ERGIC1: variants seen among roughly 807,000 people sequenced by gnomAD.
The protein encoded by ERGIC1 is endoplasmic reticulum-Golgi intermediate compartment protein 1.
A neutral mutation model predicts 38.3 loss-of-function variants in ERGIC1; 19 were observed. That is an observed-to-expected ratio of 0.50 (90% CI 0.35 to 0.73). The LOEUF is 0.73. Ranked by LOEUF, ERGIC1 falls within the 30% of genes least tolerant of loss-of-function variation. ERGIC1 has a pLI of 0.01. For synonymous variants in ERGIC1, 124 were observed against 157.6 expected, an observed-to-expected ratio of 0.79 and a Z score of 1.60; for missense variants, 294 against 389.2, an observed-to-expected ratio of 0.76 and a Z score of 2.06.
rs576821117 is a variant in ERGIC1, at chr5:172,920,355, G to A, written c.376-3650G>A. ...GACTTGTCCCATGGCCTCCTTATCC[G>A]ACCCCCAGGAAGTTGACCAGCAGCC... is the stretch of plus-strand genomic sequence containing the variant. On this transcript the variant is annotated intron_variant, in intron 5 of 9. Coordinates refer to ENST00000393784, the MANE Select transcript of ERGIC1 (RefSeq NM_001031711.3). 2.1e-4 allele frequency: 150 copies of A among 717,786 alleles called. 2 individuals carry two copies. The highest frequency in any genetic ancestry group is 1.4e-3 in the South Asian group (93 of 67,580). The allele number at this position is 717,786 out of a possible 1,614,324, so 44.5% of individuals were successfully genotyped here.
chr5:172,874,551 T>C (rs988312067), intron 1 of ERGIC1, among the ~76,000 whole-genome samples: 18 of 152,200 alleles, frequency 1.2e-4, no homozygotes, highest in African/African-American at 4.1e-4. Context: ...TCCAGCTCTC[T>C]GGTGACATAT....
chr5:172,950,029 C>G (rs374765512), intron 9 of ERGIC1, among the ~76,000 whole-genome samples: 24 of 152,154 alleles, frequency 1.6e-4, no homozygotes, highest in African/African-American at 5.5e-4. Flanking sequence ...GCTGAGATCA[C>G]GCCACTGCAC....
chr5:172,934,685 A>G (rs524160), intron 8 of ERGIC1: 126,844 of 169,186 alleles, frequency 0.75, 48,690 homozygotes, highest in African/African-American at 0.87. Context: ...TCCCACATGC[A>G]TGATGTCACA....
At chr5:172,910,005 C>G (rs1323657877) in intron 4 of ERGIC1, among the ~76,000 whole-genome samples, 1 of 152,166 alleles carries the variant, frequency 6.6e-6, no homozygotes, top group African/African-American at 2.4e-5. Flanking sequence ...GGTGGGATGT[C>G]TCTTAGGGTC....
At chr5:172,946,110 C>T (rs999785941) in intron 9 of ERGIC1, among the ~76,000 whole-genome samples, 7 of 152,316 alleles carry the variant, frequency 4.6e-5, no homozygotes, top group South Asian at 2.1e-4. Context: ...GCAGGAAAGC[C>T]GGGTGGACTC....
intron 9 of ERGIC1, among the ~76,000 whole-genome samples, chr5:172,940,472 A>G (rs983633953): frequency 6.6e-6 from 1 of 151,972 alleles, no homozygotes; most frequent in Non-Finnish European, 1.5e-5. Context: ...CCTTTTTGAG[A>G]TTGAGATTGC....
intron 1 of ERGIC1, among the ~76,000 whole-genome samples, chr5:172,869,476 G>T (rs1761950856): frequency 2.0e-5 from 3 of 152,166 alleles, no homozygotes; most frequent in Non-Finnish European, 4.4e-5. Context: ...GGTGGGTCCA[G>T]GCTCCCTCTG....
Position 172,857,588 on chromosome 5 carries a change from GCC to G in ERGIC1, c.20+23162_20+23163del, listed in dbSNP as rs57477954. Among the ~76,000 whole-genome samples the G allele has an allele frequency of 5.8e-4, 77 of 132,720 alleles. 1 individual carries two copies. Among genetic ancestry groups the G allele is most frequent in the Middle Eastern group, 8.3e-3 (2 of 240 alleles). The allele number at this position is 132,720 out of a possible 152,430, so 87.1% of individuals were successfully genotyped here. A position where few individuals can be genotyped will look rare whatever the true frequency, so the allele number is the denominator to read the frequency against. ...CCTGTAACAATGGGCTAATAATGGT[GCC>G]CCCCCCACCCACCCTTAAGCATTGT... On this transcript the variant is annotated intron_variant, in intron 1 of 9. Transcript: ENST00000393784.
At chr5:172,876,699 C>G (rs1762145779) in intron 1 of ERGIC1, among the ~76,000 whole-genome samples, 1 of 152,184 alleles carries the variant, frequency 6.6e-6, no homozygotes. Context: ...TCATGGATAT[C>G]TACACCACAC....
At chr5:172,867,053 G>A (rs1263366547) in intron 1 of ERGIC1, 1 of 414,062 alleles carries the variant, frequency 2.4e-6, no homozygotes, top group Admixed American at 2.6e-5. Flanking sequence ...AGATGGAGAT[G>A]ATGCAGATGG....
At chr5:172,932,302 G>GTT (rs770652837) in intron 7 of ERGIC1, 134 bp from the exon 8 acceptor site, 5 of 763,218 alleles carry the variant, frequency 6.6e-6, no homozygotes, top group Non-Finnish European at 1.1e-5. Context: ...ATGAAGAGCA[G>GTT]TTGGTTGGTG....
intron 7 of ERGIC1, among the ~76,000 whole-genome samples, chr5:172,930,730 A>G (rs955844015): frequency 1.3e-5 from 2 of 152,170 alleles, no homozygotes; most frequent in Non-Finnish European, 2.9e-5. Flanking sequence ...ACCTAGGGCA[A>G]TGGGCGTTTG....
At chr5:172,906,998 C>G (rs1763044595) in intron 3 of ERGIC1, among the ~76,000 whole-genome samples, 1 of 152,226 alleles carries the variant, frequency 6.6e-6, no homozygotes, top group Non-Finnish European at 1.5e-5. Flanking sequence ...AAGAATGGGT[C>G]CAGGAAGAAA....
At chr5:172,868,510 T>A (rs112695412) in intron 1 of ERGIC1, among the ~76,000 whole-genome samples, 2 of 152,190 alleles carry the variant, frequency 1.3e-5, no homozygotes, top group African/African-American at 2.4e-5. Flanking sequence ...GGCAAAACTA[T>A]GGAGACGGTA....
Position 172,949,538 on chromosome 5 carries a change from C to T in ERGIC1, c.766-1171C>T, listed in dbSNP as rs1472375104. On this transcript the variant is annotated intron_variant, in intron 9 of 9. Coordinates refer to ENST00000393784, the MANE Select transcript of ERGIC1 (RefSeq NM_001031711.3). ...TGATGTGGCAGACAGTTATGAAGTA[C>T]AGACATAACAGGTGACATTCATTAT... 9.2e-5 allele frequency among the ~76,000 whole-genome samples: 14 copies of T among 152,150 alleles called. No individual in the cohort carries two copies. The South Asian group carries it at 2.5e-3, about 27-fold the overall frequency.
At chr5:172,909,861 A>G in intron 4 of ERGIC1, 100 bp downstream of exon 4, 1 of 1,039,044 alleles carries the variant, frequency 9.6e-7, no homozygotes, top group Non-Finnish European at 1.5e-6. Context: ...CCAAGCCAAC[A>G]TATGGTTCTC....
chr5:172,932,383 G>A, intron 7 of ERGIC1, 53 bp from the exon 8 acceptor site: 2 of 1,580,082 alleles, frequency 1.3e-6, no homozygotes, highest in Middle Eastern at 1.7e-4. Flanking sequence ...ACATAGAGCT[G>A]TCAGCGGGCA....
intron 2 of ERGIC1, among the ~76,000 whole-genome samples, chr5:172,893,227 A>G (rs759203242): frequency 2.7e-4 from 41 of 149,268 alleles, no homozygotes; most frequent in Non-Finnish European, 4.6e-4. Context: ...GGCTCACTAC[A>G]ACCTCCGCCT....
chr5:172,942,481 A>G (rs1048523910), intron 9 of ERGIC1, among the ~76,000 whole-genome samples: 3 of 152,144 alleles, frequency 2.0e-5, no homozygotes, highest in Non-Finnish European at 4.4e-5. Flanking sequence ...CAGTGCATCA[A>G]TGTGGGTAAT....
Sources: allele counts gnomAD v4.1 joint callset (sites outside exome capture counted in the v4.1 genomes callset), GRCh38; gene constraint gnomAD v4.1.1; transcripts MANE v1.5; gene names NCBI Gene and HGNC (gene_info 2026-07-23, HGNC 2026-07-21).